Variants in WDPCP observed in about 807,000 individuals in gnomAD.
WDPCP encodes WD repeat-containing and planar cell polarity effector protein fritz homolog.
WDPCP carries 71 observed loss-of-function variants against 93.1 expected under a neutral mutation model. The ratio of observed to expected loss-of-function variants is 0.76; its 90% CI spans 0.63 to 0.93. WDPCP has a LOEUF of 0.93. WDPCP is among the 40% of genes least tolerant of loss of function. The probability of loss-of-function intolerance (pLI) is 0.00; values close to 1 mark genes in which losing one functional copy is unlikely to be tolerated. For synonymous variants in WDPCP, 315 were observed against 315.0 expected (o/e 1.00, Z 0.00); for missense variants, 844 against 887.4 (o/e 0.95, Z 0.62).
chr2:63,629,470 C>T (rs775736257), intron 3 of WDPCP, among the ~76,000 whole-genome samples: 4 of 152,162 alleles, frequency 2.6e-5, no homozygotes, highest in Non-Finnish European at 4.4e-5. Context: ...GGACTTCCAC[C>T]GTACTCGGTA....
intron 2 of WDPCP, among the ~76,000 whole-genome samples, chr2:63,771,507 A>G (rs2103946970): frequency 6.6e-6 from 1 of 152,144 alleles, no homozygotes; most frequent in East Asian, 1.9e-4. Flanking sequence ...TCTTCAAGGG[A>G]ATAAACTAAA....
chr2:63,621,096 C>T (rs1038361650), intron 3 of WDPCP, among the ~76,000 whole-genome samples: 1 of 152,090 alleles, frequency 6.6e-6, no homozygotes, highest in Non-Finnish European at 1.5e-5. Flanking sequence ...ATTCCAGAAA[C>T]CAGAACACCC....
At chr2:63,751,918 TC>T (rs1205864602) in intron 2 of WDPCP, 3 of 682,098 alleles carry the variant, frequency 4.4e-6, no homozygotes, top group African/African-American at 1.8e-5. Flanking sequence ...ATTATAGCCA[TC>T]CCCACTGCCA....
intron 2 of WDPCP, among the ~76,000 whole-genome samples, chr2:63,705,717 C>A (rs367962527): frequency 9.9e-5 from 14 of 141,716 alleles, no homozygotes; most frequent in African/African-American, 3.3e-4. Flanking sequence ...TTACTTCCAA[C>A]TATGTGGTCA....
chr2:63,275,368 A>G (rs985565172), intron 13 of WDPCP, among the ~76,000 whole-genome samples: 1 of 152,194 alleles, frequency 6.6e-6, no homozygotes, highest in Non-Finnish European at 1.5e-5. Flanking sequence ...TATTTCTTCT[A>G]AGAACTGAAC....
chr2:63,520,632 C>G (rs1702856873), intron 1 of WDPCP, among the ~76,000 whole-genome samples: 1 of 152,146 alleles, frequency 6.6e-6, no homozygotes. Context: ...TGGCTCACAC[C>G]TGTAATCCCA....
chr2:63,481,271 A>C (rs1056031286), intron 6 of WDPCP, among the ~76,000 whole-genome samples: 2 of 152,020 alleles, frequency 1.3e-5, no homozygotes, highest in African/African-American at 4.8e-5. Context: ...GGTGAAAAGG[A>C]AACACTTTTA....
intron 2 of WDPCP, among the ~76,000 whole-genome samples, chr2:63,807,590 C>A (rs1003598157): frequency 1.3e-5 from 2 of 152,176 alleles, no homozygotes; most frequent in African/African-American, 4.8e-5. Flanking sequence ...AGTGGAATAA[C>A]ATAAAACTCT....
chr2:63,526,132 G>T (rs535683894), intron 1 of WDPCP, among the ~76,000 whole-genome samples: 3 of 152,176 alleles, frequency 2.0e-5, no homozygotes, highest in African/African-American at 7.2e-5. Context: ...GAGAACAGAG[G>T]AGGAACTGAG....
chr2:63,679,326 G>A (rs548806219), intron 2 of WDPCP, among the ~76,000 whole-genome samples: 3 of 152,084 alleles, frequency 2.0e-5, no homozygotes, highest in African/African-American at 7.2e-5. Flanking sequence ...CTACATTCTC[G>A]GTGTACAGTG....
intron 14 of WDPCP, among the ~76,000 whole-genome samples, chr2:63,190,677 A>T (rs1291609337): frequency 6.6e-6 from 1 of 152,136 alleles, no homozygotes. Context: ...ATAATATGTG[A>T]TTATATTTTT....
At chr2:63,361,232 T>C (rs1460059101) in intron 12 of WDPCP, among the ~76,000 whole-genome samples, 1 of 152,156 alleles carries the variant, frequency 6.6e-6, no homozygotes. Flanking sequence ...GGGGAGGGAC[T>C]AGATGAGAAT....
intron 2 of WDPCP, among the ~76,000 whole-genome samples, chr2:63,748,224 C>T (rs1575763847): frequency 6.6e-6 from 1 of 151,424 alleles, no homozygotes; most frequent in African/African-American, 2.4e-5. Flanking sequence ...CTCTTTCAAT[C>T]CTTATTCTTT....
At chr2:63,709,949 G>A (rs956944596) in intron 2 of WDPCP, among the ~76,000 whole-genome samples, 4 of 152,182 alleles carry the variant, frequency 2.6e-5, no homozygotes, top group African/African-American at 7.2e-5. Flanking sequence ...GGGTAAAAAT[G>A]AGGTGAATCT....
At chr2:63,450,833 A>G (rs886816294) in intron 6 of WDPCP, among the ~76,000 whole-genome samples, 3 of 151,898 alleles carry the variant, frequency 2.0e-5, no homozygotes, top group African/African-American at 7.2e-5. Context: ...AATTGATATA[A>G]CTTCAGGAAA....
intron 3 of WDPCP, chr2:63,642,630 T>C (rs1709994740): frequency 6.6e-6 from 1 of 152,158 alleles, no homozygotes; most frequent in Non-Finnish European, 1.5e-5. Context: ...GTAATGCTAC[T>C]GATTTTTGTA....
intron 10 of WDPCP, among the ~76,000 whole-genome samples, chr2:63,390,601 A>G (rs1575306965): frequency 6.6e-6 from 1 of 152,210 alleles, no homozygotes; most frequent in Non-Finnish European, 1.5e-5. Context: ...AAAAAAATCA[A>G]TGAATCCGGG....
intron 13 of WDPCP, among the ~76,000 whole-genome samples, chr2:63,308,150 A>C (rs1376048165): frequency 6.6e-6 from 1 of 152,266 alleles, no homozygotes; most frequent in Non-Finnish European, 1.5e-5. Context: ...AAAAAAGCTC[A>C]TCATCACTGG....
intron 1 of WDPCP, among the ~76,000 whole-genome samples, chr2:63,544,830 G>A (rs764718171): frequency 3.3e-5 from 5 of 152,234 alleles, no homozygotes; most frequent in Non-Finnish European, 7.4e-5. Flanking sequence ...ATGTGCATCT[G>A]TGAATGATAA....
Sources: allele counts gnomAD v4.1 joint callset (sites outside exome capture counted in the v4.1 genomes callset), GRCh38; gene constraint gnomAD v4.1.1; transcripts MANE v1.5; gene names NCBI Gene and HGNC (gene_info 2026-07-23, HGNC 2026-07-21).